MYOF: variants seen among roughly 807,000 people sequenced by gnomAD.
MYOF encodes fer-1-like 3, myoferlin.
Under a neutral mutation model 284.2 loss-of-function variants are expected in MYOF, and 244 were observed. The ratio of observed to expected loss-of-function variants is 0.86; its 90% CI spans 0.77 to 0.95. MYOF has a LOEUF of 0.95. Ranked by LOEUF, MYOF falls within the 40% of genes least tolerant of loss-of-function variation. The probability of loss-of-function intolerance (pLI) is 0.00; values close to 1 mark genes in which losing one functional copy is unlikely to be tolerated. For missense variants in MYOF, 2,496 were observed against 2,560.6 expected (o/e 0.97, Z 0.54); for synonymous variants, 904 against 919.7 (o/e 0.98, Z 0.31).
At chr10:93,331,813 T>C (rs1209280740) in intron 43 of MYOF, among the ~76,000 whole-genome samples, 2 of 151,918 alleles carry the variant, frequency 1.3e-5, no homozygotes, top group African/African-American at 4.8e-5. Flanking sequence ...GAAAGAAGCA[T>C]ATGGGCAAGA....
chr10:93,433,238 A>G (rs1373240824), intron 3 of MYOF, among the ~76,000 whole-genome samples: 2 of 151,984 alleles, frequency 1.3e-5, no homozygotes. Context: ...GCTCACCACA[A>G]CCTCCGCCTC....
chr10:93,478,857 A>AAAGAAAGAAAGAAAGAAAGG (rs1554875987), intron 1 of MYOF, among the ~76,000 whole-genome samples: 9 of 150,740 alleles, frequency 6.0e-5, no homozygotes, highest in African/African-American at 2.2e-4. Flanking sequence ...AGAAAGAAAG[A>AAAGAAAGAAAGAAAGAAAGG]AAGGGTTTGA....
In MYOF at chr10:93,347,755, G is replaced by T. The variant is rs923821217; in HGVS notation, c.4111C>A (p.Pro1371Thr). 8.7e-6 allele frequency: 14 copies of T among 1,613,484 alleles called. No homozygotes were observed. The African/African-American group carries it at 1.2e-4, about 14-fold the overall frequency. Residue 1371 changes from proline (P) to threonine (T), a missense_variant, in exon 37 of 54, where the codon CCC (proline) becomes ACC (threonine). Around this residue, in one of 3 missense-constraint regions of MYOF, gnomAD observed 2,436 missense variants for 2,480.7 expected, o/e 0.98. Transcript: ENST00000359263. ...VFLPKEELYM[P>T]PLVIKVIDHR... is the part of the protein sequence containing the mutation. Reference sequence around the variant, plus strand: ...TCGATGACCTTGATCACCAGTGGGGGCATGTACAATTCCTCCTTGGGCAAG... The same window carrying T: ...TCGATGACCTTGATCACCAGTGGGGTCATGTACAATTCCTCCTTGGGCAAG...
chr10:93,333,729 A>G, intron 42 of MYOF, 29 bp downstream of exon 42: 1 of 1,608,610 alleles, frequency 6.2e-7, no homozygotes, highest in Non-Finnish European at 8.5e-7. Context: ...ATCTTGCTAC[A>G]GGAGAAGGCC....
intron 16 of MYOF, among the ~76,000 whole-genome samples, chr10:93,394,011 C>T (rs890291344): frequency 3.3e-5 from 5 of 152,196 alleles, no homozygotes; most frequent in Admixed American, 2.6e-4. Context: ...AATCACTATG[C>T]TACTCAGCAG....
chr10:93,368,168 A>G (rs896326108), intron 25 of MYOF, among the ~76,000 whole-genome samples: 2 of 152,150 alleles, frequency 1.3e-5, no homozygotes. Flanking sequence ...TATGCCATGA[A>G]GCCCCTACTC....
At chr10:93,381,197 G>A (rs1240437508) in intron 20 of MYOF, 22 bp downstream of exon 20, 2 of 1,613,300 alleles carry the variant, frequency 1.2e-6, no homozygotes, top group South Asian at 1.1e-5. Context: ...CGTGTGGAGA[G>A]AACTGTTAGT....
chr10:93,401,208 C>T (rs572800908), intron 12 of MYOF, among the ~76,000 whole-genome samples: 1 of 152,234 alleles, frequency 6.6e-6, no homozygotes, highest in South Asian at 2.1e-4. Context: ...AGGTACTCAA[C>T]AAGGAACATG....
chr10:93,351,180 C>G lies in MYOF; in HGVS notation c.3921+17G>C. ...CATCCGTTTGATTTGATGAGTAACA[C>G]GTGGGGAGCAGCATACCTCAATGGC... On this transcript the variant is annotated intron_variant, in intron 35 of 53. Coordinates refer to ENST00000359263, the MANE Select transcript of MYOF (RefSeq NM_013451.4). 1 of 1,610,384 alleles carries G rather than the reference C, an allele frequency of 6.2e-7. No individual in the cohort carries two copies. Among genetic ancestry groups the G allele is most frequent in the Non-Finnish European group, 8.5e-7 (1 of 1,176,680 alleles).
intron 49 of MYOF, 110 bp from the exon 50 acceptor site, chr10:93,316,923 A>C (rs572735497): frequency 3.5e-5 from 28 of 794,728 alleles, no homozygotes; most frequent in Admixed American, 2.4e-4. Flanking sequence ...CCACCCTGAC[A>C]CTCCCTTGGG....
intron 5 of MYOF, among the ~76,000 whole-genome samples, chr10:93,417,293 CATTTGGAA>C (rs200844724): frequency 0.016 from 2,453 of 152,304 alleles, 34 homozygotes; most frequent in Middle Eastern, 0.037. Context: ...TTTCCGCTAA[CATTTGGAA>C]ATGGTTCTCC....
At chr10:93,352,707 C>T (rs1228454542) in intron 32 of MYOF, among the ~76,000 whole-genome samples, 1 of 152,210 alleles carries the variant, frequency 6.6e-6, no homozygotes, top group African/African-American at 2.4e-5. Context: ...CATATGAACC[C>T]TTTGCTTTTG....
intron 53 of MYOF, among the ~76,000 whole-genome samples, chr10:93,307,715 C>T (rs752096236): frequency 5.3e-5 from 8 of 150,534 alleles, no homozygotes; most frequent in Non-Finnish European, 1.2e-4. Flanking sequence ...ACCTTTGCCT[C>T]GCAGGTTCAA....
chr10:93,472,337 G>T (rs1263973615), intron 1 of MYOF, among the ~76,000 whole-genome samples: 2 of 152,210 alleles, frequency 1.3e-5, no homozygotes, highest in African/African-American at 4.8e-5. Context: ...AATGGTGCAG[G>T]ATCTATGGAG....
At chr10:93,418,679 C>T (rs1408120596) in intron 5 of MYOF, among the ~76,000 whole-genome samples, 1 of 152,228 alleles carries the variant, frequency 6.6e-6, no homozygotes, top group Non-Finnish European at 1.5e-5. Flanking sequence ...ACTCCGAAAT[C>T]TGCCTGCATC....
intron 22 of MYOF, among the ~76,000 whole-genome samples, chr10:93,376,190 T>C (rs1454800605): frequency 6.6e-6 from 1 of 152,234 alleles, no homozygotes; most frequent in African/African-American, 2.4e-5. Context: ...AATTTCTCCA[T>C]GAAAGTTATT....
At chr10:93,345,905 T>C (rs1237578436) in intron 37 of MYOF, among the ~76,000 whole-genome samples, 1 of 152,124 alleles carries the variant, frequency 6.6e-6, no homozygotes, top group Non-Finnish European at 1.5e-5. Context: ...AGCCCACCCC[T>C]GAGCAATAGA....
chr10:93,323,262 T>C lies in MYOF; in HGVS notation c.5360+8A>G, dbSNP rs1384833509. The C allele has an allele frequency of 2.5e-6, 4 of 1,614,098 alleles. No individual in the cohort carries two copies. Among genetic ancestry groups the C allele is most frequent in the Non-Finnish European group, 3.4e-6 (4 of 1,179,938 alleles). On this transcript the variant is annotated splice_region_variant and intron_variant, in intron 47 of 53. Transcript: ENST00000359263. ...GTATGTATCAGGGTCTCAGGATGAC[T>C]GACTTACTTCTTGGCTTTCCGGGGT...
At chr10:93,394,448 C>CT (rs33970988) in intron 16 of MYOF, among the ~76,000 whole-genome samples, 5,322 of 28,490 alleles carry the variant, frequency 0.19, 2,167 homozygotes, top group East Asian at 0.43. Context: ...ACCATCTTGT[C>CT]TTTTTTTTTT....
Sources: gnomAD v4.1 joint callset for allele counts (sites outside exome capture counted in the v4.1 genomes callset) on GRCh38, gnomAD v4.1.1 for gene constraint, gnomAD v4.1.1 regional missense constraint, MANE v1.5 for transcripts, NCBI Gene and HGNC (gene_info 2026-07-23, HGNC 2026-07-21) for gene names.